The following NUDT22 variants were observed in gnomAD, a reference collection of about 807,000 sequenced individuals.
NUDT22 encodes uridine diphosphate glucose pyrophosphatase NUDT22.
NUDT22 carries 23 observed loss-of-function variants against 28.8 expected under a neutral mutation model. The ratio of observed to expected loss-of-function variants is 0.80; its 90% CI spans 0.58 to 1.13. The LOEUF (loss-of-function observed/expected upper bound fraction) is 1.13, where lower values mean the gene tolerates loss of function less well. Ranked by LOEUF, NUDT22 falls within the 50% of genes most tolerant of loss-of-function variation. NUDT22 has a pLI of 0.00. For missense variants in NUDT22, 358 were observed against 387.3 expected, an observed-to-expected ratio of 0.92 and a Z score of 0.64; for synonymous variants, 175 against 173.7, an observed-to-expected ratio of 1.01 and a Z score of -0.06.
intron 3 of NUDT22, among the ~76,000 whole-genome samples, chr11:64,228,206 A>G (rs1947102175): frequency 6.8e-6 from 1 of 147,112 alleles, no homozygotes; most frequent in African/African-American, 2.5e-5. Flanking sequence ...TCTTTTTGAG[A>G]CAGAGTCTTG....
intron 5 of NUDT22, 81 bp downstream of exon 5, chr11:64,229,652 G>A: frequency 1.4e-6 from 2 of 1,414,636 alleles, no homozygotes; most frequent in South Asian, 1.2e-5. Flanking sequence ...TGTAGGGGAG[G>A]TGTTGGCTGG....
At chr11:64,227,222 AT>A in intron 2 of NUDT22, 90 bp downstream of exon 2, 1 of 1,473,080 alleles carries the variant, frequency 6.8e-7, no homozygotes, top group South Asian at 1.2e-5. Flanking sequence ...TGGTTTCCTC[AT>A]TCCTTAAAGG....
chr11:64,227,303 C>A, intron 2 of NUDT22, 171 bp downstream of exon 2: 1 of 824,722 alleles, frequency 1.2e-6, no homozygotes, highest in Non-Finnish European at 2.0e-6. Context: ...TGACCCCTGC[C>A]CCAGTCCTGT....
intron 2 of NUDT22, 133 bp from the exon 3 acceptor site, chr11:64,227,435 C>G: frequency 1.3e-6 from 1 of 781,152 alleles, no homozygotes; most frequent in Non-Finnish European, 2.2e-6. Context: ...GAAAGGACAC[C>G]AGACTCAGGA....
At position 64,226,371 on chromosome 11, in the gene NUDT22, C is replaced by A. The variant is rs917648944; in HGVS notation, c.-75C>A. On this transcript the variant is annotated 5_prime_UTR_variant, in exon 1 of 6. Coordinates refer to ENST00000279206, the MANE Select transcript of NUDT22 (RefSeq NM_032344.4). ...CCGCGCGCCCCGGGTCGGAGGCAGA[C>A]CCCTGGGTTTGGGGGACATGGGCAT... The A allele has an allele frequency of 2.3e-6, 3 of 1,277,224 alleles. No homozygotes were observed. The highest frequency in any genetic ancestry group is 3.8e-5 in the Admixed American group (1 of 26,492). The allele number at this position is 1,277,224 out of a possible 1,614,324, so 79.1% of individuals were successfully genotyped here. A position where few individuals can be genotyped will look rare whatever the true frequency, so the allele number is the denominator to read the frequency against.
At position 64,226,976 on chromosome 11, in the gene NUDT22, C is replaced by T; in HGVS notation, c.324C>T (p.Thr108=). 1.2e-6 allele frequency: 2 copies of T among 1,602,782 alleles called. No individual in the cohort carries two copies. The highest frequency in any genetic ancestry group is 8.5e-7 in the Non-Finnish European group (1 of 1,179,912). ...SAAWLRQQGA[T]DWGDTQAYLA... ...CCTGGCTGCGACAGCAGGGTGCCAC[C>T]GACTGGGGTGACACGCAGGCCTATC... Residue 108 remains threonine, a synonymous_variant, in exon 2 of 6, where the codon ACC becomes ACT. Coordinates refer to ENST00000279206, the MANE Select transcript of NUDT22 (RefSeq NM_032344.4).
Position 64,226,750 on chromosome 11 carries a change from C to T in NUDT22, c.98C>T (p.Pro33Leu), listed in dbSNP as rs1031107165. Reference protein sequence around the residue: ...AELSPAHDRRPLPGGDEAITA... With the variant: ...AELSPAHDRRLLPGGDEAITA... ...CTGAGCCCCGCCCATGACCGTCGCC[C>T]ACTGCCAGGTGGGGACGAGGCCATC... Residue 33 changes from proline to leucine, a missense_variant, in exon 2 of 6, where the codon CCA (proline) becomes CTA (leucine). Transcript: ENST00000279206. The T allele has an allele frequency of 6.2e-7, 1 of 1,610,564 alleles. No homozygotes were observed. Among genetic ancestry groups the T allele is most frequent in the Non-Finnish European group, 8.5e-7 (1 of 1,179,964 alleles).
intron 2 of NUDT22, chr11:64,227,357 A>G: frequency 1.4e-6 from 1 of 732,558 alleles, no homozygotes; most frequent in Non-Finnish European, 2.4e-6. Context: ...CACAGGAAGA[A>G]GATGCCCTAC....
chr11:64,227,581 G>C lies in NUDT22; in HGVS notation c.494G>C (p.Gly165Ala). The change falls in exon 3 of 6, where the codon GGT becomes GCT. Residue 165 changes from glycine (G) to alanine (A), a missense_variant. Physicochemically the swap from Gly to Ala is moderately conservative, Grantham distance 60. Coordinates refer to ENST00000279206, the MANE Select transcript of NUDT22 (RefSeq NM_032344.4). ...GACCTCTCACAGGCCCTGTGCCCTGGTGGCAGCCCCCAGCACCAGGACCTC... is the reference window on the plus strand; with the variant it reads ...GACCTCTCACAGGCCCTGTGCCCTGCTGGCAGCCCCCAGCACCAGGACCTC... ...GHPEPQALCP[G>A]GSPQHQDLAG... The C allele has an allele frequency of 6.2e-7, 1 of 1,613,838 alleles. No individual in the cohort carries two copies. The highest frequency in any genetic ancestry group is 8.5e-7 in the Non-Finnish European group (1 of 1,179,968).
chr11:64,226,504 A>C, intron 1 of NUDT22, 77 bp downstream of exon 1: 1 of 1,472,456 alleles, frequency 6.8e-7, no homozygotes, highest in Non-Finnish European at 8.9e-7. Context: ...TTTACTGCCC[A>C]AGGAGTGGTC....
intron 3 of NUDT22, among the ~76,000 whole-genome samples, chr11:64,228,182 C>CTT (rs1207902951): frequency 4.4e-5 from 3 of 68,854 alleles, no homozygotes; most frequent in Admixed American, 4.0e-4. Context: ...GATTCTTCTT[C>CTT]TTTTTTTTTT....
At chr11:64,227,209 C>T (rs766456821) in intron 2 of NUDT22, 77 bp downstream of exon 2, 14 of 1,509,278 alleles carry the variant, frequency 9.3e-6, no homozygotes, top group Non-Finnish European at 1.2e-5. Context: ...ATCCTCCCAG[C>T]TTTGGTTTCC....
chr11:64,229,571 G>T lies in NUDT22; in HGVS notation c.771G>T (p.Gln257His). 1.9e-6 allele frequency: 3 copies of T among 1,613,724 alleles called. No homozygotes were observed. In the East Asian group the frequency reaches 6.7e-5, roughly 36 times the overall value. The change falls in exon 5 of 6, where the codon CAG (glutamine) becomes CAT (histidine). Residue 257 changes from glutamine to histidine, a missense_variant and splice_region_variant. Coordinates refer to ENST00000279206, the MANE Select transcript of NUDT22 (RefSeq NM_032344.4). ...ESTGIFFVET[Q>H]NVQRLLETEM... Reference sequence around the variant, plus strand: ...CAGGAATCTTCTTTGTGGAGACACAGGTGCAGAGTGACAAACCATCTTGCT... The same window carrying T: ...CAGGAATCTTCTTTGTGGAGACACATGTGCAGAGTGACAAACCATCTTGCT...
At chr11:64,227,515 G>A (rs1206348473) in intron 2 of NUDT22, 53 bp from the exon 3 acceptor site, 4 of 1,401,596 alleles carry the variant, frequency 2.9e-6, no homozygotes, top group Middle Eastern at 3.5e-4. Context: ...CTGGTCCTGA[G>A]ATGGGGCAGG....
downstream of NUDT22, chr11:64,230,149 A>G (rs1413192428): frequency 4.7e-6 from 4 of 857,470 alleles, no homozygotes; most frequent in Non-Finnish European, 7.6e-6. Context: ...AGCAGGGGAT[A>G]AGAACTGTGC....
chr11:64,226,595 G>A (rs1319152925), intron 1 of NUDT22, 40 bp from the exon 2 acceptor site: 3 of 1,521,422 alleles, frequency 2.0e-6, no homozygotes, highest in Non-Finnish European at 2.6e-6. Context: ...GAGTGGTAGT[G>A]GCCCCCCTGG....
intron 3 of NUDT22, 33 bp from the exon 4 acceptor site, chr11:64,229,214 T>G: frequency 6.8e-7 from 1 of 1,479,798 alleles, no homozygotes. Flanking sequence ...CATTGATAGG[T>G]GGGACCTCCC....
chr11:64,227,221 C>T (rs1470072178), intron 2 of NUDT22, 89 bp downstream of exon 2: 4 of 1,477,892 alleles, frequency 2.7e-6, no homozygotes, highest in Non-Finnish European at 3.7e-6. Context: ...TTGGTTTCCT[C>T]ATTCCTTAAA....
At chr11:64,228,177 T>C (rs1426636936) in intron 3 of NUDT22, among the ~76,000 whole-genome samples, 1 of 133,908 alleles carries the variant, frequency 7.5e-6, no homozygotes, top group Non-Finnish European at 1.7e-5. Context: ...GGCCGGATTC[T>C]TCTTCTTTTT....
Sources: gnomAD v4.1 joint callset for allele counts (sites outside exome capture counted in the v4.1 genomes callset) on GRCh38, gnomAD v4.1.1 for gene constraint, MANE v1.5 for transcripts, NCBI Gene and HGNC (gene_info 2026-07-23, HGNC 2026-07-21) for gene names.